Variants in WFDC8 observed in about 807,000 individuals in gnomAD.
WFDC8 encodes WAP four-disulfide core domain protein 8.
WFDC8 carries 24 observed loss-of-function variants against 27.0 expected under a neutral mutation model. The observed-to-expected ratio is 0.89, with a 90% confidence interval of 0.64 to 1.25. The LOEUF (loss-of-function observed/expected upper bound fraction) is 1.25. Ranked by LOEUF, WFDC8 falls within the 50% of genes most tolerant of loss-of-function variation. The pLI, the probability that WFDC8 is intolerant of heterozygous loss-of-function variation, is 0.00. For synonymous variants in WFDC8, 106 were observed against 99.7 expected, an observed-to-expected ratio of 1.06 and a Z score of -0.38; for missense variants, 287 against 295.9, an observed-to-expected ratio of 0.97 and a Z score of 0.22.
intron 1 of WFDC8, among the ~76,000 whole-genome samples, chr20:45,578,002 C>G (rs1981104013): frequency 6.7e-6 from 1 of 148,936 alleles, no homozygotes; most frequent in Admixed American, 6.7e-5. Flanking sequence ...GAGAGATTCC[C>G]TCTCAAACAA....
rs766262195 is a variant in WFDC8, at chr20:45,555,684, C to T, written c.445+17G>A. Reference sequence around the variant, plus strand: ...TAGTTAAACTAGACCCTCAGATTTCCAGGATAGAGGTCTCACCAATTAACA... The same window carrying T: ...TAGTTAAACTAGACCCTCAGATTTCTAGGATAGAGGTCTCACCAATTAACA... On this transcript the variant is annotated intron_variant, in intron 4 of 5. Coordinates refer to ENST00000289953, the MANE Select transcript of WFDC8 (RefSeq NM_130896.3). 7 of 1,611,484 alleles carry T rather than the reference C, an allele frequency of 4.3e-6. No individual in the cohort carries two copies. In the South Asian group the frequency reaches 6.6e-5, roughly 15 times the overall value.
chr20:45,560,139 G>A (rs1286863547), intron 2 of WFDC8, among the ~76,000 whole-genome samples: 2 of 152,202 alleles, frequency 1.3e-5, no homozygotes, highest in South Asian at 2.1e-4. Context: ...CTTCTGGTTG[G>A]TAGAGAAGAA....
intron 1 of WFDC8, among the ~76,000 whole-genome samples, chr20:45,572,453 T>C (rs982931237): frequency 1.3e-5 from 2 of 151,894 alleles, no homozygotes; most frequent in African/African-American, 2.4e-5. Context: ...TCAACACTTG[T>C]TATGTTTAAT....
At chr20:45,551,591 G>A (rs1980035195), downstream of WFDC8, 1 of 148,062 alleles carries the variant, frequency 6.8e-6, no homozygotes, top group Non-Finnish European at 1.5e-5. Context: ...ATTGCGCCTG[G>A]GCAATAAGAG....
At chr20:45,567,736 G>T (rs1377580312) in intron 1 of WFDC8, among the ~76,000 whole-genome samples, 1 of 152,238 alleles carries the variant, frequency 6.6e-6, no homozygotes, top group African/African-American at 2.4e-5. Context: ...GCACAGGGAG[G>T]TTGGTGACTC....
chr20:45,568,620 C>A (rs6104229), intron 1 of WFDC8: 183,738 of 523,924 alleles, frequency 0.35, 35,547 homozygotes, highest in Non-Finnish European at 0.42. Context: ...GAATTCAGTG[C>A]GGACAATATC....
chr20:45,573,339 G>A (rs913909847), intron 1 of WFDC8, among the ~76,000 whole-genome samples: 1 of 152,066 alleles, frequency 6.6e-6, no homozygotes, highest in African/African-American at 2.4e-5. Context: ...GGCACAAATG[G>A]TTTTTGGTTA....
At chr20:45,560,255 C>T (rs1980418748) in intron 2 of WFDC8, among the ~76,000 whole-genome samples, 2 of 152,154 alleles carry the variant, frequency 1.3e-5, no homozygotes, top group Admixed American at 6.5e-5. Flanking sequence ...CTAGAAGTGA[C>T]AGCCAGTAAA....
At chr20:45,567,136 A>G (rs111274200) in intron 1 of WFDC8, among the ~76,000 whole-genome samples, 45 of 152,290 alleles carry the variant, frequency 3.0e-4, no homozygotes, top group African/African-American at 9.9e-4. Context: ...CCAACTGTAA[A>G]TGCCAAAAAA....
chr20:45,577,711 A>G (rs1352299673), intron 1 of WFDC8, among the ~76,000 whole-genome samples: 1 of 147,346 alleles, frequency 6.8e-6, no homozygotes, highest in East Asian at 2.1e-4. Context: ...ATACATGTTT[A>G]AAAAATAAAG....
chr20:45,579,111 C>T lies in WFDC8; in HGVS notation c.26+111G>A, dbSNP rs182642822. The stretch of plus-strand genomic sequence containing the variant: ...TTCTGTGGAACCCCTCCTCACTATG[C>T]TTGGCCCAACTCCCCACAGCCGACC... On this transcript the variant is annotated intron_variant, in intron 1 of 5. Transcript: ENST00000289953. 6,216 of 1,038,294 alleles carry T rather than the reference C, an allele frequency of 6.0e-3. 21 individuals are homozygous for T. The highest frequency in any genetic ancestry group is 7.2e-3 in the Non-Finnish European group (4,847 of 672,774). The allele number at this position is 1,038,294 out of a possible 1,614,324, so 64.3% of individuals were successfully genotyped here. A position where few individuals can be genotyped will look rare whatever the true frequency, so the allele number is the denominator to read the frequency against.
At chr20:45,568,678 AACC>A in intron 1 of WFDC8, 1 of 537,158 alleles carries the variant, frequency 1.9e-6, no homozygotes, top group Admixed American at 1.9e-5. Flanking sequence ...ATAGCAGGTG[AACC>A]ACAAAAGTCA....
chr20:45,563,571 A>G (rs1316523773), intron 1 of WFDC8, among the ~76,000 whole-genome samples: 2 of 152,222 alleles, frequency 1.3e-5, no homozygotes, highest in Admixed American at 1.3e-4. Flanking sequence ...AAGCATGACA[A>G]GTGGCTTGTA....
intron 1 of WFDC8, among the ~76,000 whole-genome samples, chr20:45,564,689 A>C (rs1308840132): frequency 5.3e-5 from 8 of 150,990 alleles, no homozygotes; most frequent in Non-Finnish European, 1.0e-4. Flanking sequence ...AAAAAAAAAA[A>C]AACTTAGCCC....
chr20:45,556,507 G>C (rs751519030), intron 3 of WFDC8, among the ~76,000 whole-genome samples: 3 of 152,224 alleles, frequency 2.0e-5, no homozygotes, highest in Non-Finnish European at 2.9e-5. Context: ...GGTGGTTCAA[G>C]AAGTTTTGCA....
At chr20:45,562,427 C>T (rs1411922445) in intron 1 of WFDC8, among the ~76,000 whole-genome samples, 1 of 152,188 alleles carries the variant, frequency 6.6e-6, no homozygotes, top group Admixed American at 6.5e-5. Context: ...TGACCAATCC[C>T]CATACCCTGC....
chr20:45,558,962 A>G lies in WFDC8; in HGVS notation c.167T>C (p.Leu56Pro). The G allele has an allele frequency of 1.2e-6, 2 of 1,614,208 alleles. No homozygotes were observed. Among genetic ancestry groups the G allele is most frequent in the African/African-American group, 2.7e-5 (2 of 75,060 alleles). The change falls in exon 3 of 6, where the codon CTC becomes CCC. Residue 56 changes from leucine to proline, a missense_variant. Transcript: ENST00000289953. ...GTCCGGAAGTTCAGTGGTACAGGTG[A>G]GCCTCTCTTTGGGACATAACCCTGG... ...HKPGLCPKERLTCTTELPDSC... is the reference protein window; with the variant it reads ...HKPGLCPKERPTCTTELPDSC...
In WFDC8 at chr20:45,571,126, G is replaced by A. The variant is rs190969774; in HGVS notation, c.26+8096C>T. ...TTCCATACTTTATTGTCCTTAAATC[G>A]TTAATTTTAAGTTTAATATTATTCC... On this transcript the variant is annotated intron_variant, in intron 1 of 5. Coordinates refer to ENST00000289953, the MANE Select transcript of WFDC8 (RefSeq NM_130896.3). Among the ~76,000 whole-genome samples, 13 of 151,944 alleles carry A rather than the reference G, an allele frequency of 8.6e-5. No individual in the cohort carries two copies. In the East Asian group the frequency reaches 1.9e-3, roughly 23 times the overall value.
chr20:45,552,993 G>A, intron 5 of WFDC8, 143 bp downstream of exon 5: 1 of 931,840 alleles, frequency 1.1e-6, no homozygotes, highest in Non-Finnish European at 1.6e-6. Flanking sequence ...ATAACTTGTT[G>A]GGCATTAAAA....
Sources: gnomAD v4.1 joint callset for allele counts (sites outside exome capture counted in the v4.1 genomes callset) on GRCh38, gnomAD v4.1.1 for gene constraint, MANE v1.5 for transcripts, NCBI Gene and HGNC (gene_info 2026-07-23, HGNC 2026-07-21) for gene names.